The following NRXN1 variants were observed in gnomAD, a reference collection of about 807,000 sequenced individuals.
The protein encoded by NRXN1 is neurexin 1.
NRXN1 carries 39 observed loss-of-function variants against 150.9 expected under a neutral mutation model. The observed-to-expected ratio is 0.26, with a 90% CI of 0.20 to 0.34. The LOEUF (loss-of-function observed/expected upper bound fraction) is 0.34. Ranked by LOEUF, NRXN1 falls within the 10% of genes least tolerant of loss-of-function variation. The pLI is 1.00. For missense variants in NRXN1, 1,815 were observed against 1,949.9 expected (o/e 0.93, Z 1.30); for synonymous variants, 924 against 757.0 (o/e 1.22, Z -3.62).
At chr2:50,938,721 G>C (rs1020039003) in intron 2 of NRXN1, among the ~76,000 whole-genome samples, 4 of 152,018 alleles carry the variant, frequency 2.6e-5, no homozygotes, top group African/African-American at 7.2e-5. Flanking sequence ...CAAAATGCCT[G>C]ACACATAGCA....
In NRXN1 at chr2:50,070,002, C is replaced by T. The variant is rs199557596; in HGVS notation, c.3719-14958G>A. Among the ~76,000 whole-genome samples, 40 of 151,992 alleles carry T rather than the reference C, an allele frequency of 2.6e-4. 1 individual carries two copies. In the East Asian group the frequency reaches 7.6e-3, roughly 29 times the overall value. On this transcript the variant is annotated intron_variant, in intron 19 of 22. Transcript: ENST00000401669. ...AGTAGCTGGAACTACAGGCACCCGC[C>T]ACCACACCCACCTAATTTTTTGTAT... is the stretch of plus-strand genomic sequence containing the variant.
At chr2:51,013,243 A>G (rs1668164121) in intron 2 of NRXN1, among the ~76,000 whole-genome samples, 1 of 152,008 alleles carries the variant, frequency 6.6e-6, no homozygotes, top group Admixed American at 6.6e-5. Flanking sequence ...CCACTGTGTA[A>G]AGAGGACAAG....
At chr2:50,752,764 C>T (rs753615525) in intron 5 of NRXN1, among the ~76,000 whole-genome samples, 13 of 151,208 alleles carry the variant, frequency 8.6e-5, no homozygotes, top group Non-Finnish European at 1.5e-4. Context: ...TTCCAGAATC[C>T]AGAGGCATTG....
chr2:50,882,642 G>A (rs1455006709), intron 5 of NRXN1, among the ~76,000 whole-genome samples: 1 of 151,776 alleles, frequency 6.6e-6, no homozygotes. Flanking sequence ...GGTGCCCACA[G>A]TATTTTTATT....
intron 5 of NRXN1, among the ~76,000 whole-genome samples, chr2:50,814,520 AAAG>A (rs1329193996): frequency 6.6e-6 from 1 of 152,112 alleles, no homozygotes; most frequent in Non-Finnish European, 1.5e-5. Context: ...GAAGAACAAA[AAAG>A]AAGAACCCTG....
At position 50,430,378 on chromosome 2, in the gene NRXN1, A is replaced by G. The variant is rs897164332; in HGVS notation, c.3364+35064T>C. On this transcript the variant is annotated intron_variant, in intron 17 of 22. Transcript: ENST00000401669. ...TTTGTGCAGTATACCAACACTATCC[A>G]ATAGAACTTTCTGTGATGATGGAAA... Among the ~76,000 whole-genome samples, 84 of 152,214 alleles carry G rather than the reference A, an allele frequency of 5.5e-4. 1 individual carries two copies. Among genetic ancestry groups the G allele is most frequent in the African/African-American group, 1.9e-3 (77 of 41,460 alleles).
chr2:50,886,063 T>C lies in NRXN1; in HGVS notation c.832+35806A>G, dbSNP rs886438878. Among the ~76,000 whole-genome samples the C allele has an allele frequency of 6.6e-5, 10 of 151,436 alleles. No homozygotes were observed. In the East Asian group the frequency reaches 1.9e-3, roughly 29 times the overall value. On this transcript the variant is annotated intron_variant, in intron 5 of 22. Transcript: ENST00000401669. ...GTTTAACTAATACAGAGATTTTTAT[T>C]TGATCATTGTATAGACTAGTGAATC...
chr2:50,921,505 G>A (rs1332023403), intron 5 of NRXN1, among the ~76,000 whole-genome samples: 2 of 151,630 alleles, frequency 1.3e-5, no homozygotes, highest in Non-Finnish European at 2.9e-5. Flanking sequence ...GAATGGCTAG[G>A]GCAGGTGTGC....
At chr2:50,958,162 T>A (rs1303186438) in intron 2 of NRXN1, among the ~76,000 whole-genome samples, 1 of 152,138 alleles carries the variant, frequency 6.6e-6, no homozygotes, top group African/African-American at 2.4e-5. Flanking sequence ...CTGGAATATT[T>A]GGAAAGATTT....
In NRXN1 at chr2:51,027,857, C is replaced by T. The variant is rs757453009; in HGVS notation, c.417G>A (p.Glu139=). The T allele has an allele frequency of 1.8e-5, 29 of 1,613,122 alleles. No homozygotes were observed. The Admixed American group carries it at 3.2e-4, about 18-fold the overall frequency. The change falls in exon 2 of 23, where the codon GAG becomes GAA. Residue 139 remains glutamate (E), a synonymous_variant. Transcript: ENST00000401669. ...TCATGTCCCTGCGCTTGGACTTGAC[C>T]TCCACCCACTTGGCCTCCACCTGGT... The part of the protein sequence containing the change: ...FIDQVEAKWV[E]VKSKRRDMTV...
At chr2:50,569,152 G>A (rs919606922) in intron 8 of NRXN1, among the ~76,000 whole-genome samples, 5 of 152,032 alleles carry the variant, frequency 3.3e-5, no homozygotes, top group African/African-American at 1.2e-4. Flanking sequence ...AGGGTAGTGG[G>A]GGTTGGGAGA....
chr2:50,028,338 G>C (rs1558725115), intron 21 of NRXN1, among the ~76,000 whole-genome samples: 1 of 152,130 alleles, frequency 6.6e-6, no homozygotes, highest in South Asian at 2.1e-4. Flanking sequence ...ATCTAACAAG[G>C]AGACATCAAG....
At chr2:50,014,084 C>T (rs1301756026) in intron 21 of NRXN1, among the ~76,000 whole-genome samples, 2 of 151,254 alleles carry the variant, frequency 1.3e-5, no homozygotes, top group East Asian at 3.9e-4. Context: ...TGTGTCTAGA[C>T]TAAAGAGCTT....
chr2:49,992,869 C>T (rs1472110888), intron 21 of NRXN1, among the ~76,000 whole-genome samples: 1 of 152,124 alleles, frequency 6.6e-6, no homozygotes, highest in East Asian at 1.9e-4. Flanking sequence ...TATCATTACA[C>T]GCCTATTAGA....
intron 5 of NRXN1, among the ~76,000 whole-genome samples, chr2:50,816,868 G>T (rs879607157): frequency 1.6e-4 from 25 of 152,144 alleles, no homozygotes; most frequent in Admixed American, 1.6e-3. Context: ...TTAAAACATA[G>T]ACTAACCAGG....
intron 5 of NRXN1, among the ~76,000 whole-genome samples, chr2:50,836,794 T>A (rs970406090): frequency 2.0e-5 from 3 of 149,634 alleles, no homozygotes; most frequent in Admixed American, 6.7e-5. Context: ...GATTCTTATA[T>A]CCTTAGTATA....
At chr2:50,590,028 G>C (rs113860423) in intron 8 of NRXN1, among the ~76,000 whole-genome samples, 6 of 152,260 alleles carry the variant, frequency 3.9e-5, no homozygotes, top group African/African-American at 1.2e-4. Flanking sequence ...TGTATTTATG[G>C]AACACCTGTC....
chr2:50,324,862 G>C (rs2076283604), intron 17 of NRXN1, among the ~76,000 whole-genome samples: 1 of 152,172 alleles, frequency 6.6e-6, no homozygotes, highest in African/African-American at 2.4e-5. Context: ...GGAACTCCTT[G>C]AATTATATTA....
chr2:50,690,410 G>T (rs1250923489), intron 5 of NRXN1, among the ~76,000 whole-genome samples: 1 of 152,140 alleles, frequency 6.6e-6, no homozygotes, highest in Non-Finnish European at 1.5e-5. Context: ...TCCTCTTTAT[G>T]TACAGAATGA....
Sources: allele counts gnomAD v4.1 joint callset (sites outside exome capture counted in the v4.1 genomes callset), GRCh38; gene constraint gnomAD v4.1.1; transcripts MANE v1.5; gene names NCBI Gene and HGNC (gene_info 2026-07-23, HGNC 2026-07-21).